The following ANK2 variants were observed in gnomAD, a reference collection of about 807,000 sequenced individuals.
The protein encoded by ANK2 is ankyrin-2.
Under a neutral mutation model 360.5 loss-of-function variants are expected in ANK2, and 83 were observed. That is an observed-to-expected ratio of 0.23 (90% CI 0.19 to 0.28). ANK2 has a LOEUF of 0.28. Ranked by LOEUF, ANK2 falls within the 10% of genes least tolerant of loss-of-function variation. ANK2 has a pLI of 1.00. For synonymous variants in ANK2, 1,740 were observed against 1,759.5 expected, an observed-to-expected ratio of 0.99 and a Z score of 0.28; for missense variants, 4,201 against 4,795.7, an observed-to-expected ratio of 0.88 and a Z score of 3.66.
At chr4:112,978,262 T>G (rs931968007) in intron 2 of ANK2, among the ~76,000 whole-genome samples, 2 of 152,046 alleles carry the variant, frequency 1.3e-5, no homozygotes, top group African/African-American at 4.8e-5. Context: ...AAAAAAAGTT[T>G]GTTTTCTGTT....
chr4:112,755,830 G>GT, the ANK2 span: 13 of 156,518 alleles, frequency 8.3e-5, no homozygotes, highest in East Asian at 2.2e-3. Context: ...AGCAAGTCAA[G>GT]TGAAGCAGTG....
At chr4:113,274,796 A>G in intron 15 of ANK2, 147 bp downstream of exon 15, 1 of 842,330 alleles carries the variant, frequency 1.2e-6, no homozygotes, top group South Asian at 1.6e-5. Flanking sequence ...CATTGTCTAA[A>G]TGATTTAATA....
At chr4:113,380,189 T>C (rs951517331) in intron 45 of ANK2, among the ~76,000 whole-genome samples, 1 of 152,192 alleles carries the variant, frequency 6.6e-6, no homozygotes, top group South Asian at 2.1e-4. Flanking sequence ...AAAAGGCTGC[T>C]CTGCCTATGG....
chr4:112,916,641 G>A (rs934901889), intron 2 of ANK2, among the ~76,000 whole-genome samples: 1 of 152,084 alleles, frequency 6.6e-6, no homozygotes, highest in Non-Finnish European at 1.5e-5. Flanking sequence ...TAATGGCTGG[G>A]ATTGAGTCCC....
At chr4:112,798,901 C>T in the ANK2 span, among the ~76,000 whole-genome samples, 1 of 152,168 alleles carries the variant, frequency 6.6e-6, no homozygotes, top group African/African-American at 2.4e-5. Flanking sequence ...CAGTGTTGTG[C>T]AACCATTACC....
chr4:112,855,796 G>A lies in ANK2; in HGVS notation c.-40+37532G>A, dbSNP rs541870377. On this transcript the variant is annotated intron_variant, in intron 1 of 30. Coordinates refer to the ANK2 transcript ENST00000503271. ...ACTCCAGAGTCCATGTCTGGATATG[G>A]CTTGATGTGATGGGGCAGCGTTACC... 9.2e-5 allele frequency among the ~76,000 whole-genome samples: 14 copies of A among 152,264 alleles called. No homozygotes were observed. In the South Asian group the frequency reaches 2.9e-3, roughly 32 times the overall value.
chr4:113,245,861 A>G (rs1220344839), intron 9 of ANK2, among the ~76,000 whole-genome samples: 1 of 151,898 alleles, frequency 6.6e-6, no homozygotes, highest in East Asian at 1.9e-4. Context: ...CTGGAGTACA[A>G]TAGTGCGATC....
chr4:112,806,203 C>T, the ANK2 span, among the ~76,000 whole-genome samples: 1 of 152,100 alleles, frequency 6.6e-6, no homozygotes, highest in African/African-American at 2.4e-5. Context: ...CACATTTCTC[C>T]CCCTCACACT....
intron 1 of ANK2, among the ~76,000 whole-genome samples, chr4:112,829,491 C>CAAAAAAGAAAAAAAAAAAAAAAAAA (rs2059198853): frequency 1.6e-5 from 1 of 60,728 alleles, no homozygotes; most frequent in African/African-American, 8.1e-5. Flanking sequence ...CCCATCTCTA[C>CAAAAAAGAAAAAAAAAAAAAAAAAA]AAAAAAAAAA....
intron 1 of ANK2, among the ~76,000 whole-genome samples, chr4:113,134,202 A>G (rs553638274): frequency 3.3e-5 from 5 of 151,942 alleles, no homozygotes; most frequent in Admixed American, 6.6e-5. Flanking sequence ...TTCTGGCCCA[A>G]AGTATCATAT....
chr4:113,381,428 G>A (rs761954281), intron 45 of ANK2, 29 bp from the exon 46 acceptor site: 30 of 1,613,790 alleles, frequency 1.9e-5, no homozygotes, highest in South Asian at 7.7e-5. Flanking sequence ...TGAAAAGAGC[G>A]TAATTCTCTC....
At chr4:113,273,978 A>G (rs1297226091) in intron 14 of ANK2, among the ~76,000 whole-genome samples, 1 of 152,178 alleles carries the variant, frequency 6.6e-6, no homozygotes, top group Non-Finnish European at 1.5e-5. Context: ...AATGACCAGC[A>G]TTTGTATCCT....
At chr4:113,347,991 A>G (rs2095057486) in intron 35 of ANK2, 1 of 447,148 alleles carries the variant, frequency 2.2e-6, no homozygotes, top group South Asian at 3.0e-5. Context: ...CAGTTCATTT[A>G]AGGTCAAACT....
intron 1 of ANK2, among the ~76,000 whole-genome samples, chr4:113,092,179 A>T (rs2154354024): frequency 6.6e-6 from 1 of 152,340 alleles, no homozygotes; most frequent in East Asian, 1.9e-4. Flanking sequence ...ACAAAGATGA[A>T]AATTACGGTG....
chr4:113,262,416 G>A (rs1237798088), intron 13 of ANK2, among the ~76,000 whole-genome samples: 1 of 151,956 alleles, frequency 6.6e-6, no homozygotes, highest in Non-Finnish European at 1.5e-5. Flanking sequence ...TTTATTTAGA[G>A]AAGAGATCTT....
At chr4:112,863,238 T>C (rs2150129052) in intron 1 of ANK2, among the ~76,000 whole-genome samples, 1 of 152,226 alleles carries the variant, frequency 6.6e-6, no homozygotes, top group African/African-American at 2.4e-5. Context: ...TGATTATAAA[T>C]ATGAAAATCT....
intron 1 of ANK2, among the ~76,000 whole-genome samples, chr4:113,133,033 G>T (rs2096158543): frequency 6.6e-6 from 1 of 152,178 alleles, no homozygotes; most frequent in Non-Finnish European, 1.5e-5. Context: ...TCAGAAGTAA[G>T]AGTTAATTCT....
At chr4:113,246,253 A>C in intron 9 of ANK2, among the ~76,000 whole-genome samples, 1 of 152,180 alleles carries the variant, frequency 6.6e-6, no homozygotes, top group East Asian at 1.9e-4. Flanking sequence ...CTCATTCATA[A>C]GGTTTTTATT....
chr4:113,075,218 C>A (rs540916604), intron 1 of ANK2, among the ~76,000 whole-genome samples: 1 of 152,318 alleles, frequency 6.6e-6, no homozygotes, highest in African/African-American at 2.4e-5. Flanking sequence ...TACGTTTCAA[C>A]AAATTAAATT....
Sources: allele counts gnomAD v4.1 joint callset (sites outside exome capture counted in the v4.1 genomes callset), GRCh38; gene constraint gnomAD v4.1.1; transcripts MANE v1.5; gene names NCBI Gene and HGNC (gene_info 2026-07-23, HGNC 2026-07-21).